The following SUPT3H variants were observed in gnomAD, a reference collection of about 807,000 sequenced individuals.
SUPT3H encodes transcription initiation protein SPT3 homolog.
SUPT3H carries 44 observed loss-of-function variants against 44.3 expected under a neutral mutation model. That is an observed-to-expected ratio of 0.99 (90% CI 0.78 to 1.28). The LOEUF (loss-of-function observed/expected upper bound fraction) is 1.28, where lower values mean the gene tolerates loss of function less well. Among genes scored for constraint, SUPT3H ranks in the 50% most tolerant of loss-of-function variants. The pLI is 0.00. For missense variants in SUPT3H, 380 were observed against 387.1 expected (o/e 0.98, Z 0.15); for synonymous variants, 124 against 125.6 (o/e 0.99, Z 0.09).
intron 2 of SUPT3H, chr6:45,321,849 TG>T: frequency 6.2e-7 from 1 of 1,600,450 alleles, no homozygotes; most frequent in Non-Finnish European, 8.5e-7. Context: ...AGGGAAAAAC[TG>T]ATTTTCCAAT....
chr6:45,236,018 C>T (rs1201940786), intron 2 of SUPT3H, among the ~76,000 whole-genome samples: 3 of 152,110 alleles, frequency 2.0e-5, no homozygotes, highest in Non-Finnish European at 4.4e-5. Context: ...TCCCTTTTTT[C>T]CCGTAAGGAA....
intron 2 of SUPT3H, among the ~76,000 whole-genome samples, chr6:45,216,330 A>T (rs1374896343): frequency 1.3e-5 from 2 of 152,174 alleles, no homozygotes; most frequent in Non-Finnish European, 2.9e-5. Flanking sequence ...AAGAAATCAA[A>T]GCTTATCACT....
At chr6:44,840,626 G>C (rs1037403087) in intron 10 of SUPT3H, among the ~76,000 whole-genome samples, 27 of 152,228 alleles carry the variant, frequency 1.8e-4, no homozygotes, top group African/African-American at 6.5e-4. Flanking sequence ...GTCTGTGAAA[G>C]AGTGGAAGCT....
At chr6:44,918,335 C>T (rs911354444) in intron 10 of SUPT3H, among the ~76,000 whole-genome samples, 1 of 152,140 alleles carries the variant, frequency 6.6e-6, no homozygotes, top group African/African-American at 2.4e-5. Flanking sequence ...AAAGTCCCCA[C>T]ATCAGATTTA....
chr6:45,071,656 T>C (rs1030689146), intron 3 of SUPT3H, among the ~76,000 whole-genome samples: 5 of 151,404 alleles, frequency 3.3e-5, no homozygotes, highest in South Asian at 2.1e-4. Context: ...CAGTTTTCTT[T>C]TGGGACTAGA....
At chr6:45,278,924 T>C (rs920624238) in intron 2 of SUPT3H, among the ~76,000 whole-genome samples, 3 of 152,270 alleles carry the variant, frequency 2.0e-5, no homozygotes, top group Admixed American at 2.0e-4. Context: ...ATTTAATTGA[T>C]AGAGTAGATA....
chr6:44,865,397 C>A (rs1333268677), intron 10 of SUPT3H, among the ~76,000 whole-genome samples: 1 of 151,762 alleles, frequency 6.6e-6, no homozygotes, highest in Non-Finnish European at 1.5e-5. Flanking sequence ...ACTCCTGGTA[C>A]CCATTTACTG....
At chr6:44,904,806 T>G (rs982508245) in intron 10 of SUPT3H, among the ~76,000 whole-genome samples, 7 of 152,186 alleles carry the variant, frequency 4.6e-5, no homozygotes, top group African/African-American at 1.7e-4. Context: ...AGCATGGTAC[T>G]GGCACCAAAA....
At chr6:45,298,935 CT>C (rs1781707417) in intron 2 of SUPT3H, among the ~76,000 whole-genome samples, 1 of 152,092 alleles carries the variant, frequency 6.6e-6, no homozygotes, top group East Asian at 1.9e-4. Context: ...AAAACTAATG[CT>C]TCTAAAACAT....
At chr6:45,194,603 A>C (rs1016977527) in intron 2 of SUPT3H, among the ~76,000 whole-genome samples, 4 of 152,200 alleles carry the variant, frequency 2.6e-5, no homozygotes, top group Non-Finnish European at 5.9e-5. Context: ...ACATGCTGCA[A>C]AACATTTTAG....
intron 3 of SUPT3H, among the ~76,000 whole-genome samples, chr6:45,055,786 C>A (rs548690349): frequency 1.3e-5 from 2 of 152,040 alleles, no homozygotes; most frequent in East Asian, 3.9e-4. Context: ...TGACCAAAAA[C>A]CCAAAAGCAA....
At chr6:45,370,052 T>C (rs2150303888) in intron 1 of SUPT3H, among the ~76,000 whole-genome samples, 1 of 152,252 alleles carries the variant, frequency 6.6e-6, no homozygotes, top group East Asian at 1.9e-4. Context: ...TTAGAGAATT[T>C]TGAAAAGGGA....
chr6:45,271,393 C>T (rs185008887), intron 2 of SUPT3H, among the ~76,000 whole-genome samples: 37 of 152,248 alleles, frequency 2.4e-4, no homozygotes, highest in African/African-American at 6.3e-4. Flanking sequence ...TGGTGTCCTA[C>T]GTGCCAGGTG....
At chr6:45,259,689 C>T (rs745865775) in intron 2 of SUPT3H, among the ~76,000 whole-genome samples, 1 of 152,030 alleles carries the variant, frequency 6.6e-6, no homozygotes, top group Non-Finnish European at 1.5e-5. Flanking sequence ...TGCATAGGAA[C>T]CACCTCTTTT....
intron 3 of SUPT3H, chr6:45,098,665 C>T (rs1229868572): frequency 1.2e-5 from 4 of 336,072 alleles, no homozygotes; most frequent in Non-Finnish European, 2.3e-5. Flanking sequence ...GGGCTTCAAT[C>T]ATGCCCCATC....
At chr6:45,058,054 C>T (rs942097957) in intron 3 of SUPT3H, among the ~76,000 whole-genome samples, 2 of 152,062 alleles carry the variant, frequency 1.3e-5, no homozygotes, top group African/African-American at 4.8e-5. Context: ...TTTTTAGACA[C>T]ACGAATGTGA....
intron 3 of SUPT3H, among the ~76,000 whole-genome samples, 185 bp from the exon 4 acceptor site, chr6:45,020,817 A>C (rs1554209739): frequency 6.6e-6 from 1 of 152,016 alleles, no homozygotes; most frequent in Non-Finnish European, 1.5e-5. Flanking sequence ...ATGCAATTAA[A>C]TTAACTTATG....
chr6:45,346,582 T>TC (rs1370369731), intron 2 of SUPT3H, among the ~76,000 whole-genome samples: 3 of 151,498 alleles, frequency 2.0e-5, no homozygotes, highest in African/African-American at 4.9e-5. Flanking sequence ...TTTTTTTTTT[T>TC]CTTGAGATAG....
chr6:45,051,261 A>C (rs1790260575), intron 3 of SUPT3H, among the ~76,000 whole-genome samples: 1 of 152,258 alleles, frequency 6.6e-6, no homozygotes, highest in East Asian at 1.9e-4. Flanking sequence ...TGGGGAGGGA[A>C]GACAGGTATG....
Sources: gnomAD v4.1 joint callset for allele counts (sites outside exome capture counted in the v4.1 genomes callset) on GRCh38, gnomAD v4.1.1 for gene constraint, MANE v1.5 for transcripts, NCBI Gene and HGNC (gene_info 2026-07-23, HGNC 2026-07-21) for gene names.